The following SIGLEC1 variants were observed in gnomAD, a reference collection of about 807,000 sequenced individuals.
SIGLEC1 encodes the protein sialic acid binding Ig like lectin 1.
In SIGLEC1, 132 loss-of-function variants were observed where a neutral mutation model predicts 148.0. The observed-to-expected ratio is 0.89, with a 90% CI of 0.77 to 1.03. SIGLEC1 has a LOEUF of 1.03. Ranked by LOEUF, SIGLEC1 falls within the 50% of genes least tolerant of loss-of-function variation. The probability of loss-of-function intolerance (pLI) is 0.00; values close to 1 mark genes in which losing one functional copy is unlikely to be tolerated. For missense variants in SIGLEC1, 2,253 were observed against 2,271.4 expected, an observed-to-expected ratio of 0.99 and a Z score of 0.16; for synonymous variants, 945 against 969.0, an observed-to-expected ratio of 0.98 and a Z score of 0.46.
rs777256614 is a variant in SIGLEC1 at position 3,703,433 on chromosome 20, C to T, written c.992G>A (p.Ser331Asn). ...GTTCTCCAGGATGGGACCTGCTGGG[C>T]TCACCTGGACCTCAGCCACTGCAAG... ...LHIFMAEVQV[S>N]PAGPILENQT... The change falls in exon 6 of 22, where the codon AGC (serine) becomes AAC (asparagine). Residue 331 changes from serine (S) to asparagine (N), a missense_variant. Physicochemically the swap from Ser to Asn is conservative, Grantham distance 46. Transcript: ENST00000344754. 6.3e-6 allele frequency: 10 copies of T among 1,576,046 alleles called. No individual in the cohort carries two copies. The highest frequency in any genetic ancestry group is 8.6e-6 in the Non-Finnish European group (10 of 1,158,702).
chr20:3,706,072 G>A (rs372367516), intron 3 of SIGLEC1, 32 bp from the exon 4 acceptor site: 12 of 1,591,624 alleles, frequency 7.5e-6, no homozygotes, highest in African/African-American at 6.7e-5. Context: ...CTCAGGACCC[G>A]CTTTTGCCAC....
In SIGLEC1 at chr20:3,692,130, G is replaced by T; in HGVS notation, c.4103C>A (p.Thr1368Asn). The T allele has an allele frequency of 6.2e-7, 1 of 1,602,926 alleles. No homozygotes were observed. The highest frequency in any genetic ancestry group is 2.2e-5 in the East Asian group (1 of 44,748). ...CTCAGCAGGTGGCTCACTGTCCACA[G>T]TGCACTGTATCACAGCCATGGATCT... ...RARSMAVIQC[T>N]VDSEPPAELA... The change falls in exon 17 of 22, where the codon ACT becomes AAT. Residue 1368 changes from threonine to asparagine, a missense_variant. Coordinates refer to ENST00000344754, the MANE Select transcript of SIGLEC1 (RefSeq NM_023068.4).
rs751681992 is a variant in SIGLEC1, at chr20:3,706,573, G to A, written c.183C>T (p.Tyr61=). 1.5e-5 allele frequency: 24 copies of A among 1,612,484 alleles called. No homozygotes were observed. Among genetic ancestry groups the A allele is most frequent in the Non-Finnish European group, 1.6e-5 (19 of 1,179,740 alleles). Residue 61 remains tyrosine (Y), a synonymous_variant, in exon 3 of 22, where the codon TAC becomes TAT. Transcript: ENST00000344754. ...VPDGITAIWY[Y]DYSGQRQVVS... is the part of the protein sequence containing the mutation. ...CCACCTGCCGCTGGCCCGAGTAGTC[G>A]TAGTACCAGATGGCCGTGATGCCGT...
At chr20:3,703,594 A>C in intron 5 of SIGLEC1, 143 bp from the exon 6 acceptor site, 3 of 1,171,266 alleles carry the variant, frequency 2.6e-6, no homozygotes, top group Non-Finnish European at 3.5e-6. Context: ...AGCCTCCTGG[A>C]GTGCTCTGCA....
chr20:3,691,742 T>G (rs45611736), intron 17 of SIGLEC1, 142 bp from the exon 18 acceptor site: 90,149 of 1,340,012 alleles, frequency 0.067, 3,367 homozygotes, highest in East Asian at 0.11. Flanking sequence ...GGTGGAACCA[T>G]GCCCCCTCCA....
Position 3,706,473 on chromosome 20 carries a change from G to C in SIGLEC1, c.283C>G (p.His95Asp). Reference protein sequence around the residue: ...GRTEFMGNPEHRVCNLLLKDL... With the variant: ...GRTEFMGNPEDRVCNLLLKDL... ...TTCAGCAGCAGGTTGCACACCCTGTGCTCGGGGTTCCCCATGAACTCGGTG... is the reference window on the plus strand; with the variant it reads ...TTCAGCAGCAGGTTGCACACCCTGTCCTCGGGGTTCCCCATGAACTCGGTG... The change falls in exon 3 of 22, where the codon CAC becomes GAC. Residue 95 changes from histidine (H) to aspartate (D), a missense_variant. Physicochemically the swap from His to Asp is moderately conservative, Grantham distance 81. Coordinates refer to ENST00000344754, the MANE Select transcript of SIGLEC1 (RefSeq NM_023068.4). 6.2e-7 allele frequency: 1 copy of C among 1,613,982 alleles called. No individual in the cohort carries two copies. Among genetic ancestry groups the C allele is most frequent in the Non-Finnish European group, 8.5e-7 (1 of 1,180,030 alleles).
chr20:3,705,018 GAC>G (rs1316578298), intron 4 of SIGLEC1, among the ~76,000 whole-genome samples: 2 of 151,754 alleles, frequency 1.3e-5, no homozygotes, highest in Non-Finnish European at 2.9e-5. Flanking sequence ...TTTTGTTTGA[GAC>G]ACAGTCTCAC....
At chr20:3,708,201 A>G (rs6107333) in intron 1 of SIGLEC1, among the ~76,000 whole-genome samples, 30,103 of 151,974 alleles carry the variant, frequency 0.2, 3,071 homozygotes, top group East Asian at 0.35. Flanking sequence ...TGGAACACAT[A>G]CCCCACAAAT....
At position 3,698,021 on chromosome 20, in the gene SIGLEC1, C is replaced by G; in HGVS notation, c.1899G>C (p.Arg633Ser). ...CACGGTCCTTGTGGAGCAGCTGCAG[C>G]CTGGCGGGGGGGTCGCTGTCCACAC... ...LCRVDSDPPA[R>S]LQLLHKDRVV... The change falls in exon 9 of 22, where the codon AGG becomes AGC. Residue 633 changes from arginine to serine, a missense_variant. Coordinates refer to ENST00000344754, the MANE Select transcript of SIGLEC1 (RefSeq NM_023068.4). 1 of 1,609,760 alleles carries G rather than the reference C, an allele frequency of 6.2e-7. No homozygotes were observed. Among genetic ancestry groups the G allele is most frequent in the East Asian group, 2.2e-5 (1 of 44,686 alleles).
At chr20:3,691,783 G>A (rs933890855) in intron 17 of SIGLEC1, 120 bp downstream of exon 17, 10 of 1,364,774 alleles carry the variant, frequency 7.3e-6, no homozygotes, top group South Asian at 2.8e-5. Context: ...ACCAGATTAG[G>A]CTTCTCAAGG....
rs2088780917 is a variant in SIGLEC1 at position 3,692,974 on chromosome 20, G to A, written c.3666C>T (p.Asn1222=). ...LASSTAASVP[N]TLRLELRGPQ... ...GCCCTCGCAGCTCCAGGCGCAGGGTGTTGGGGACAGAGGCTGCTGTCGAGG... is the reference window on the plus strand; with the variant it reads ...GCCCTCGCAGCTCCAGGCGCAGGGTATTGGGGACAGAGGCTGCTGTCGAGG... The change falls in exon 15 of 22, where the codon AAC becomes AAT. Residue 1222 remains asparagine (N), a synonymous_variant. Coordinates refer to ENST00000344754, the MANE Select transcript of SIGLEC1 (RefSeq NM_023068.4). 1 of 1,612,582 alleles carries A rather than the reference G, an allele frequency of 6.2e-7. No individual in the cohort carries two copies. Among genetic ancestry groups the A allele is most frequent in the South Asian group, 1.1e-5 (1 of 91,074 alleles).
chr20:3,698,091 T>C lies in SIGLEC1; in HGVS notation c.1829A>G (p.Asp610Gly), dbSNP rs373868876. Residue 610 changes from aspartate to glycine, a missense_variant, in exon 9 of 22, where the codon GAT (aspartate) becomes GGT (glycine). By Grantham distance (94) the Asp-to-Gly change is moderately conservative. Transcript: ENST00000344754. ...QPTFTTRLDL[D>G]AAGAGAGRRG... Reference sequence around the variant, plus strand: ...CCGTCCAGCCCCGGCCCCAGCGGCATCAAGGTCCAGCCTGGTGGTGAATGT... The same window carrying C: ...CCGTCCAGCCCCGGCCCCAGCGGCACCAAGGTCCAGCCTGGTGGTGAATGT... 80 of 1,607,600 alleles carry C rather than the reference T, an allele frequency of 5.0e-5. No homozygotes were observed. Among genetic ancestry groups the C allele is most frequent in the Non-Finnish European group, 6.1e-5 (72 of 1,178,170 alleles).
chr20:3,692,983 A>C lies in SIGLEC1; in HGVS notation c.3657T>G (p.Ser1219=), dbSNP rs751004256. The C allele has an allele frequency of 5.0e-6, 8 of 1,612,506 alleles. No homozygotes were observed. The Admixed American group carries it at 1.3e-4, about 27-fold the overall frequency. The change falls in exon 15 of 22, where the codon TCT becomes TCG. Residue 1219 remains serine (S), a synonymous_variant. Coordinates refer to ENST00000344754, the MANE Select transcript of SIGLEC1 (RefSeq NM_023068.4). Reference sequence around the variant, plus strand: ...GCTCCAGGCGCAGGGTGTTGGGGACAGAGGCTGCTGTCGAGGAGGCCAAGA... The same window carrying C: ...GCTCCAGGCGCAGGGTGTTGGGGACCGAGGCTGCTGTCGAGGAGGCCAAGA... ...GRLLASSTAA[S]VPNTLRLELR...
rs200631809 is a variant in SIGLEC1, at chr20:3,690,824, C to CTTTTTTTTTTTTTTTTTTTT, written c.4591+515_4591+516insAAAAAAAAAAAAAAAAAAAA. On this transcript the variant is annotated intron_variant, in intron 18 of 21. Coordinates refer to ENST00000344754, the MANE Select transcript of SIGLEC1 (RefSeq NM_023068.4). ...TTCTTTTGGTTTTTTCTCTTCTTTT[C>CTTTTTTTTTTTTTTTTTTTT]TTTTCTTTTTTTTTTTTTTTTCTTG... is the stretch of plus-strand genomic sequence containing the variant. 5.8e-4 allele frequency among the ~76,000 whole-genome samples: 74 copies of CTTTTTTTTTTTTTTTTTTTT among 126,862 alleles called. 3 individuals are homozygous for CTTTTTTTTTTTTTTTTTTTT. Among genetic ancestry groups the CTTTTTTTTTTTTTTTTTTTT allele is most frequent in the African/African-American group, 2.2e-3 (67 of 29,900 alleles). 83.2% of individuals were successfully genotyped at this position (126,862 alleles called of 152,430 possible). A position where few individuals can be genotyped will look rare whatever the true frequency, so the allele number is the denominator to read the frequency against.
chr20:3,695,765 C>T (rs2088814777), intron 11 of SIGLEC1, among the ~76,000 whole-genome samples: 1 of 152,048 alleles, frequency 6.6e-6, no homozygotes, highest in Non-Finnish European at 1.5e-5. Flanking sequence ...TTCCTTTGAC[C>T]TTCGCATTAT....
At chr20:3,689,498 G>T in intron 20 of SIGLEC1, 102 bp downstream of exon 20, 1 of 779,156 alleles carries the variant, frequency 1.3e-6, no homozygotes, top group Non-Finnish European at 2.1e-6. Flanking sequence ...GGCAGCCTGT[G>T]AACTTAATAG....
chr20:3,703,166 T>A, intron 6 of SIGLEC1, 31 bp downstream of exon 6: 2 of 1,612,844 alleles, frequency 1.2e-6, no homozygotes, highest in Non-Finnish European at 1.7e-6. Flanking sequence ...GCTCTGACTG[T>A]GTCCAGTGCC....
chr20:3,697,924 T>A lies in SIGLEC1; in HGVS notation c.1996A>T (p.Thr666Ser), dbSNP rs1167497835. ...ACACGCAGCAAGTTGGGGGCTTTGG[T>A]GACCTTCATGCGTGGGGAACAGCCC... Reference protein sequence around the residue: ...CGGCSPRMKVTKAPNLLRVEI... With the variant: ...CGGCSPRMKVSKAPNLLRVEI... The change falls in exon 9 of 22, where the codon ACC becomes TCC. Residue 666 changes from threonine (T) to serine (S), a missense_variant. Transcript: ENST00000344754. 3.1e-6 allele frequency: 5 copies of A among 1,612,902 alleles called. No homozygotes were observed. The African/African-American group carries it at 5.3e-5, about 17-fold the overall frequency.
intron 7 of SIGLEC1, among the ~76,000 whole-genome samples, chr20:3,699,757 G>A (rs756282978): frequency 9.9e-5 from 15 of 152,114 alleles, no homozygotes; most frequent in Non-Finnish European, 2.1e-4. Flanking sequence ...CAGAAGGATC[G>A]TTTGAGGCCA....
Sources: allele counts gnomAD v4.1 joint callset (sites outside exome capture counted in the v4.1 genomes callset), GRCh38; gene constraint gnomAD v4.1.1; transcripts MANE v1.5; gene names NCBI Gene and HGNC (gene_info 2026-07-23, HGNC 2026-07-21).